PCDH11X: variants seen among roughly 807,000 people sequenced by gnomAD.
PCDH11X encodes the protein protocadherin-11 X-linked.
A neutral mutation model predicts 53.3 loss-of-function variants in PCDH11X; 18 were observed. That is an observed-to-expected ratio of 0.34 (90% CI 0.23 to 0.50). PCDH11X has a LOEUF of 0.50. Among genes scored for constraint, PCDH11X ranks in the 20% least tolerant of loss-of-function variants. The probability of loss-of-function intolerance (pLI) is 0.98; values close to 1 mark genes in which losing one functional copy is unlikely to be tolerated. For missense variants in PCDH11X, 570 were observed against 1,032.4 expected, an observed-to-expected ratio of 0.55 and a Z score of 6.14; for synonymous variants, 279 against 393.3, an observed-to-expected ratio of 0.71 and a Z score of 3.44.
At chrX:92,184,646 G>T (rs1403453666) in intron 6 of PCDH11X, among the ~76,000 whole-genome samples, 2 of 111,364 alleles carry the variant, frequency 1.8e-5, no homozygotes, top group Admixed American at 9.6e-5. Flanking sequence ...CATAAACCAA[G>T]ACAACATAAT....
chrX:91,889,069 T>C (rs1283365207), intron 6 of PCDH11X, among the ~76,000 whole-genome samples: 1 of 111,532 alleles, frequency 9.0e-6, no homozygotes, highest in Non-Finnish European at 1.9e-5. Context: ...TAAAATTATT[T>C]TTTTAAATGC....
chrX:92,464,209 A>G (rs970461329), intron 9 of PCDH11X, among the ~76,000 whole-genome samples: 1 of 111,132 alleles, frequency 9.0e-6, no homozygotes, highest in Non-Finnish European at 1.9e-5. Flanking sequence ...GATGCTCATT[A>G]TGTTAATCAC....
intron 6 of PCDH11X, among the ~76,000 whole-genome samples, chrX:92,102,387 G>T (rs1602924464): frequency 1.8e-5 from 2 of 111,529 alleles, no homozygotes; most frequent in East Asian, 2.8e-4. Flanking sequence ...GGACAGAAAG[G>T]CTACAGGGTT....
At chrX:91,911,294 A>C (rs1185776830) in intron 6 of PCDH11X, among the ~76,000 whole-genome samples, 1 of 109,282 alleles carries the variant, frequency 9.2e-6, no homozygotes, top group Non-Finnish European at 1.9e-5. Flanking sequence ...CAAGAAATAA[A>C]TATCCTATCA....
chrX:92,266,580 T>G (rs2148420403), intron 8 of PCDH11X, among the ~76,000 whole-genome samples: 1 of 111,798 alleles, frequency 8.9e-6, no homozygotes, highest in African/African-American at 3.2e-5. Flanking sequence ...ATTTCGTAGA[T>G]AAGCTAGTGG....
intron 6 of PCDH11X, among the ~76,000 whole-genome samples, chrX:91,968,146 A>T (rs1041745376): frequency 8.9e-6 from 1 of 111,903 alleles, no homozygotes; most frequent in Non-Finnish European, 1.9e-5. Context: ...TGTAATAGAA[A>T]ATCTTCACAC....
intron 9 of PCDH11X, among the ~76,000 whole-genome samples, chrX:92,413,794 A>G (rs2071744218): frequency 9.3e-6 from 1 of 108,041 alleles, no homozygotes; most frequent in East Asian, 3.0e-4. Context: ...TCAGTAAGCT[A>G]TAGGAGGAGG....
chrX:92,167,261 G>A (rs2065751018), intron 6 of PCDH11X, among the ~76,000 whole-genome samples: 1 of 111,454 alleles, frequency 9.0e-6, no homozygotes. Flanking sequence ...TTTAAAAATA[G>A]ACATTGAAAG....
At chrX:91,931,192 T>C (rs1348224742) in intron 6 of PCDH11X, among the ~76,000 whole-genome samples, 1 of 109,252 alleles carries the variant, frequency 9.2e-6, no homozygotes, top group Non-Finnish European at 1.9e-5. Context: ...ATCATTAATT[T>C]TGAAATAACT....
At chrX:92,273,932 A>G (rs1169920095) in intron 8 of PCDH11X, among the ~76,000 whole-genome samples, 2 of 110,117 alleles carry the variant, frequency 1.8e-5, no homozygotes, top group Admixed American at 1.9e-4. Flanking sequence ...TTAGAGTGGC[A>G]GTTTGGGGAT....
chrX:92,052,620 A>T (rs1236309861), intron 6 of PCDH11X, among the ~76,000 whole-genome samples: 1 of 69,258 alleles, frequency 1.4e-5, no homozygotes, highest in Non-Finnish European at 2.7e-5. Flanking sequence ...AACCTTGCAG[A>T]CACAAACATT....
At chrX:91,834,544 C>T (rs972480029) in intron 4 of PCDH11X, 14 of 108,603 alleles carry the variant, frequency 1.3e-4, no homozygotes, top group African/African-American at 4.7e-4. Context: ...CTACCTTCTG[C>T]GTTCTATAAA....
chrX:92,510,702 A>C (rs2074146181), intron 10 of PCDH11X, among the ~76,000 whole-genome samples: 1 of 110,213 alleles, frequency 9.1e-6, no homozygotes, highest in African/African-American at 3.3e-5. Context: ...TGTATCTTGG[A>C]TAGTTCTAGA....
chrX:92,101,047 A>C, intron 6 of PCDH11X, among the ~76,000 whole-genome samples: 1 of 111,814 alleles, frequency 8.9e-6, no homozygotes, highest in Non-Finnish European at 1.9e-5. Context: ...AGAGTGCCTA[A>C]GGAGATTCAG....
At chrX:92,311,089 T>A (rs1300375631) in intron 8 of PCDH11X, among the ~76,000 whole-genome samples, 4 of 111,814 alleles carry the variant, frequency 3.6e-5, no homozygotes, top group East Asian at 5.6e-4. Flanking sequence ...GGATGGAGAA[T>A]AACTTTGATA....
rs1477699561 is a variant in PCDH11X, at chrX:92,157,769, TTTTC to T, written c.3034-43602_3034-43599del. Among the ~76,000 whole-genome samples the T allele has an allele frequency of 7.1e-5, 8 of 111,916 alleles. No individual in the cohort carries two copies. In the East Asian group the frequency reaches 2.2e-3, roughly 31 times the overall value. The stretch of plus-strand genomic sequence containing the variant: ...AAGGTTTGTGCTTTCATTATCAAGA[TTTTC>T]TTTTAGAATTTTTTGTGTTAATTTT... On this transcript the variant is annotated intron_variant, in intron 6 of 10. Transcript: ENST00000682573.
At chrX:92,100,398 T>A (rs2064218812) in intron 6 of PCDH11X, among the ~76,000 whole-genome samples, 1 of 108,830 alleles carries the variant, frequency 9.2e-6, no homozygotes, top group South Asian at 4.1e-4. Flanking sequence ...TAAAGGAAAA[T>A]TACAGTCAAA....
At chrX:92,511,716 A>T (rs2074164791) in intron 10 of PCDH11X, among the ~76,000 whole-genome samples, 1 of 111,566 alleles carries the variant, frequency 9.0e-6, no homozygotes, top group Admixed American at 9.6e-5. Context: ...CAGTGGCAAG[A>T]CACTGTTTGT....
chrX:92,593,614 A>G (rs1323042329), intron 10 of PCDH11X, among the ~76,000 whole-genome samples: 1 of 111,883 alleles, frequency 8.9e-6, no homozygotes, highest in East Asian at 2.8e-4. Flanking sequence ...GACAAAACAA[A>G]GTTGAAGCAA....
Sources: allele counts gnomAD v4.1 joint callset (sites outside exome capture counted in the v4.1 genomes callset), GRCh38; gene constraint gnomAD v4.1.1; transcripts MANE v1.5; gene names NCBI Gene and HGNC (gene_info 2026-07-23, HGNC 2026-07-21).